Variants in PRDX2 observed in about 807,000 individuals in gnomAD.
PRDX2 encodes peroxiredoxin 2.
Under a neutral mutation model 19.8 loss-of-function variants are expected in PRDX2, and 10 were observed. The ratio of observed to expected loss-of-function variants is 0.50; its 90% confidence interval spans 0.31 to 0.86. The LOEUF is 0.86. PRDX2 is among the 40% of genes least tolerant of loss of function. The probability of loss-of-function intolerance (pLI) is 0.04; values close to 1 mark genes in which losing one functional copy is unlikely to be tolerated. For synonymous variants in PRDX2, 118 were observed against 108.2 expected (o/e 1.09, Z -0.56); for missense variants, 226 against 260.1 (o/e 0.87, Z 0.90).
chr19:12,800,034 G>T (rs368059406), intron 4 of PRDX2, 45 bp from the exon 5 acceptor site: 2 of 1,607,776 alleles, frequency 1.2e-6, no homozygotes, highest in African/African-American at 2.7e-5. Context: ...AGCTCCCACT[G>T]CCAGAGACAA....
At chr19:12,798,289 C>T (rs1968829735) in intron 5 of PRDX2, among the ~76,000 whole-genome samples, 1 of 152,090 alleles carries the variant, frequency 6.6e-6, no homozygotes. Flanking sequence ...TCTTGATCCG[C>T]CCGCCTCAGC....
chr19:12,797,365 C>T (rs1968808734), intron 5 of PRDX2, among the ~76,000 whole-genome samples, 199 bp from the exon 6 acceptor site: 1 of 149,778 alleles, frequency 6.7e-6, no homozygotes, highest in African/African-American at 2.5e-5. Context: ...TGCTCTGTTG[C>T]CCAGGCTGAA....
At chr19:12,800,063 C>T (rs574578933) in intron 4 of PRDX2, 74 bp from the exon 5 acceptor site, 1 of 1,600,394 alleles carries the variant, frequency 6.2e-7, no homozygotes, top group Non-Finnish European at 8.5e-7. Context: ...CTACCAACCA[C>T]CCGCTGCTAG....
chr19:12,800,398 A>T, intron 3 of PRDX2, 99 bp from the exon 4 acceptor site: 1 of 1,476,180 alleles, frequency 6.8e-7, no homozygotes, highest in Non-Finnish European at 9.2e-7. Flanking sequence ...GGCCGGAGAT[A>T]AGGGGCTTTA....
At chr19:12,797,295 G>T in intron 5 of PRDX2, 129 bp from the exon 6 acceptor site, 1 of 690,814 alleles carries the variant, frequency 1.4e-6, no homozygotes. Context: ...TGGATATTAA[G>T]ATAAACCCTC....
rs1968800948 is a variant in PRDX2 at position 12,797,014 on chromosome 19, G to A, written c.*67C>T. 1.3e-6 allele frequency: 2 copies of A among 1,543,088 alleles called. No homozygotes were observed. Among genetic ancestry groups the A allele is most frequent in the Non-Finnish European group, 1.8e-6 (2 of 1,121,524 alleles). Reference sequence around the variant, plus strand: ...TGGGTCAGCATAGGGCACCCAGGTGGGGGCACAGGTGGACACCCAGCACAG... The same window carrying A: ...TGGGTCAGCATAGGGCACCCAGGTGAGGGCACAGGTGGACACCCAGCACAG... On this transcript the variant is annotated 3_prime_UTR_variant, in exon 6 of 6. Transcript: ENST00000301522.
rs760305242 is a variant in PRDX2 at position 12,800,186 on chromosome 19, A to G, written c.371T>C (p.Ile124Thr). 38 of 1,613,712 alleles carry G rather than the reference A, an allele frequency of 2.4e-5. No homozygotes were observed. The Admixed American group carries it at 6.3e-4, about 27-fold the overall frequency. ...GAGGGTCCCACAGTACCTGTAGGCA[A>G]TGCCCTCATCTGTTTTCAGCACGCC... ...DYGVLKTDEG[I>T]AYRGLFIIDG... The change falls in exon 4 of 6, where the codon ATT (isoleucine) becomes ACT (threonine). Residue 124 changes from isoleucine (I) to threonine (T), a missense_variant. Transcript: ENST00000301522.
At chr19:12,800,034 G>A (rs368059406) in intron 4 of PRDX2, 45 bp from the exon 5 acceptor site, 3 of 1,607,778 alleles carry the variant, frequency 1.9e-6, no homozygotes, top group Admixed American at 1.7e-5. Flanking sequence ...AGCTCCCACT[G>A]CCAGAGACAA....
At position 12,797,099 on chromosome 19, in the gene PRDX2, A is replaced by G. The variant is rs1599525694; in HGVS notation, c.579T>C (p.Tyr193=). Residue 193 remains tyrosine (Y), a synonymous_variant, in exon 6 of 6, where the codon TAT becomes TAC. Transcript: ENST00000301522. ...IKPNVDDSKE[Y]FSKHN Reference sequence around the variant, plus strand: ...AGCCAGCCTAATTGTGTTTGGAGAAATATTCCTTGCTGTCATCCACGTTGG... The same window carrying G: ...AGCCAGCCTAATTGTGTTTGGAGAAGTATTCCTTGCTGTCATCCACGTTGG... The G allele has an allele frequency of 6.2e-7, 1 of 1,614,140 alleles. No homozygotes were observed. The highest frequency in any genetic ancestry group is 8.5e-7 in the Non-Finnish European group (1 of 1,180,036).
At position 12,800,770 on chromosome 19, in the gene PRDX2, T is replaced by C. The variant is rs1487174184; in HGVS notation, c.257+146A>G. 1.0e-5 allele frequency: 16 copies of C among 1,542,270 alleles called. No individual in the cohort carries two copies. In the Admixed American group the frequency reaches 2.4e-4, roughly 23 times the overall value. On this transcript the variant is annotated intron_variant, in intron 3 of 5. Coordinates refer to ENST00000301522, the MANE Select transcript of PRDX2 (RefSeq NM_005809.6). Reference sequence around the variant, plus strand: ...CAAATGCTAATTACTGTCATCATCCTTAAAGACTTGGGCGGCAATGTTTCC... The same window carrying C: ...CAAATGCTAATTACTGTCATCATCCCTAAAGACTTGGGCGGCAATGTTTCC...
intron 3 of PRDX2, 28 bp from the exon 4 acceptor site, chr19:12,800,327 C>T (rs1237100888): frequency 6.2e-7 from 1 of 1,600,952 alleles, no homozygotes; most frequent in Non-Finnish European, 8.5e-7. Flanking sequence ...AGAGTTGGGG[C>T]CTCAGGATGC....
In PRDX2 at chr19:12,797,024, T is replaced by TGTCCACCTGTGCTG; in HGVS notation, c.*56_*57insCAGCACAGGTGGAC. Reference sequence around the variant, plus strand: ...TAGGGCACCCAGGTGGGGGCACAGGTGGACACCCAGCACAGGCACCTAGGC... The same window carrying TGTCCACCTGTGCTG: ...TAGGGCACCCAGGTGGGGGCACAGGTGTCCACCTGTGCTGGGACACCCAGCACAGGCACCTAGGC... On this transcript the variant is annotated 3_prime_UTR_variant, in exon 6 of 6. Coordinates refer to ENST00000301522, the MANE Select transcript of PRDX2 (RefSeq NM_005809.6). 1 of 1,581,110 alleles carries TGTCCACCTGTGCTG rather than the reference T, an allele frequency of 6.3e-7. No individual in the cohort carries two copies. Among genetic ancestry groups the TGTCCACCTGTGCTG allele is most frequent in the East Asian group, 2.2e-5 (1 of 44,676 alleles).
chr19:12,796,900 C>G lies in PRDX2; in HGVS notation c.*181G>C. 1.7e-6 allele frequency: 1 copy of G among 604,182 alleles called. No homozygotes were observed. Among genetic ancestry groups the G allele is most frequent in the South Asian group, 2.1e-5 (1 of 47,868 alleles). 37.4% of individuals were successfully genotyped at this position (604,182 alleles called of 1,614,324 possible). On this transcript the variant is annotated 3_prime_UTR_variant, in exon 6 of 6. Coordinates refer to ENST00000301522, the MANE Select transcript of PRDX2 (RefSeq NM_005809.6). ...GGGCTTGGGGGAGGGCGTCACTATT[C>G]AGCTTCTAGGTGGAGGCATGAGAAG...
At chr19:12,801,126 C>T (rs781665855) in intron 2 of PRDX2, 33 bp downstream of exon 2, 51 of 1,613,884 alleles carry the variant, frequency 3.2e-5, no homozygotes, top group Middle Eastern at 1.6e-4. Flanking sequence ...CACGGCCCCG[C>T]TTCTACCTGG....
At chr19:12,798,468 C>G (rs1172686504) in intron 5 of PRDX2, among the ~76,000 whole-genome samples, 1 of 152,026 alleles carries the variant, frequency 6.6e-6, no homozygotes, top group Non-Finnish European at 1.5e-5. Context: ...TCTCTTGCCT[C>G]AGCCTCCCAA....
intron 5 of PRDX2, 173 bp downstream of exon 5, chr19:12,799,686 G>C (rs1432938365): frequency 1.2e-6 from 1 of 849,734 alleles, no homozygotes. Context: ...TTGAATGTCA[G>C]GCGTTATTTG....
chr19:12,798,037 CTTCTTTTT>C (rs1042827068), intron 5 of PRDX2, among the ~76,000 whole-genome samples: 1 of 151,398 alleles, frequency 6.6e-6, no homozygotes, highest in African/African-American at 2.4e-5. Context: ...TCTCCTTTTT[CTTCTTTTT>C]TTCTTTTCTT....
rs555214956 is a variant in PRDX2 at position 12,801,554 on chromosome 19, C to G, written c.-10+186G>C. Reference sequence around the variant, plus strand: ...CCAGAAGGAGACAGTGAGGCCCGCACGAGCAGGGGGCGGGAAGTCGGGCGA... The same window carrying G: ...CCAGAAGGAGACAGTGAGGCCCGCAGGAGCAGGGGGCGGGAAGTCGGGCGA... On this transcript the variant is annotated intron_variant, in intron 1 of 5. Transcript: ENST00000301522. Among the ~76,000 whole-genome samples the G allele has an allele frequency of 2.0e-5, 3 of 152,352 alleles. No individual in the cohort carries two copies. The South Asian group carries it at 6.2e-4, about 32-fold the overall frequency.
In PRDX2 at chr19:12,801,159, C is replaced by A. The variant is rs1279820515; in HGVS notation, c.103G>T (p.Gly35Trp). ...FKEVKLSDYKGKYVVLFFYPL... is the reference protein window; with the variant it reads ...FKEVKLSDYKWKYVVLFFYPL... ...TGGGCCCCCTCCGGGCGGCGCTCAC[C>A]TTTGTAGTCCGACAGCTTCACCTCT... Residue 35 changes from glycine (G) to tryptophan (W), a missense_variant and splice_region_variant, in exon 2 of 6, where the codon GGG becomes TGG. Coordinates refer to ENST00000301522, the MANE Select transcript of PRDX2 (RefSeq NM_005809.6). 1 of 1,613,886 alleles carries A rather than the reference C, an allele frequency of 6.2e-7. No homozygotes were observed. The highest frequency in any genetic ancestry group is 1.7e-5 in the Admixed American group (1 of 59,996).
Sources: allele counts gnomAD v4.1 joint callset (sites outside exome capture counted in the v4.1 genomes callset), GRCh38; gene constraint gnomAD v4.1.1; transcripts MANE v1.5; gene names NCBI Gene and HGNC (gene_info 2026-07-23, HGNC 2026-07-21).